Variants in SFMBT2 observed in about 807,000 individuals in gnomAD.
SFMBT2 encodes the protein Scm like with four mbt domains 2, also known as scm-like with four MBT domains protein 2.
SFMBT2 carries 38 observed loss-of-function variants against 110.1 expected under a neutral mutation model. The observed-to-expected ratio is 0.35, with a 90% confidence interval of 0.27 to 0.45. SFMBT2 has a LOEUF of 0.45. Among genes scored for constraint, SFMBT2 ranks in the 20% least tolerant of loss-of-function variants. SFMBT2 has a pLI of 1.00. For missense variants in SFMBT2, 1,011 were observed against 1,094.9 expected, an observed-to-expected ratio of 0.92 and a Z score of 1.08; for synonymous variants, 425 against 425.4, an observed-to-expected ratio of 1.00 and a Z score of 0.01.
chr10:7,294,166 A>G (rs1399306757), intron 4 of SFMBT2, among the ~76,000 whole-genome samples: 1 of 152,104 alleles, frequency 6.6e-6, no homozygotes, highest in Non-Finnish European at 1.5e-5. Flanking sequence ...CTTATCCCCT[A>G]ATATCATGGC....
intron 11 of SFMBT2, among the ~76,000 whole-genome samples, chr10:7,216,322 G>A (rs1047628364): frequency 2.0e-5 from 3 of 152,150 alleles, no homozygotes; most frequent in Non-Finnish European, 2.9e-5. Context: ...TGAATCATGG[G>A]GGGCAGCTCC....
chr10:7,254,484 G>A (rs1840929903), intron 7 of SFMBT2, among the ~76,000 whole-genome samples: 1 of 152,146 alleles, frequency 6.6e-6, no homozygotes, highest in African/African-American at 2.4e-5. Flanking sequence ...TTATAGGAGT[G>A]AAGCTTAATT....
At chr10:7,252,787 T>G (rs1348673040) in intron 7 of SFMBT2, among the ~76,000 whole-genome samples, 1 of 152,196 alleles carries the variant, frequency 6.6e-6, no homozygotes, top group Non-Finnish European at 1.5e-5. Context: ...GTCCCTGGTA[T>G]AGGACTCCTA....
At chr10:7,331,051 T>G (rs1014674220) in intron 4 of SFMBT2, among the ~76,000 whole-genome samples, 1 of 152,250 alleles carries the variant, frequency 6.6e-6, no homozygotes, top group African/African-American at 2.4e-5. Flanking sequence ...GATAGGTATT[T>G]TCTTCTTTCT....
intron 4 of SFMBT2, among the ~76,000 whole-genome samples, chr10:7,337,766 G>A (rs1171137589): frequency 6.6e-6 from 1 of 152,146 alleles, no homozygotes; most frequent in South Asian, 2.1e-4. Context: ...AAGAGCTCCT[G>A]TTCCATCTTC....
intron 4 of SFMBT2, among the ~76,000 whole-genome samples, chr10:7,346,735 C>T (rs750667082): frequency 6.7e-6 from 1 of 148,860 alleles, no homozygotes; most frequent in African/African-American, 2.5e-5. Flanking sequence ...TTTGGGAGGC[C>T]GAGATAGGAG....
chr10:7,315,405 G>A (rs575940527), intron 4 of SFMBT2, among the ~76,000 whole-genome samples: 11 of 152,342 alleles, frequency 7.2e-5, no homozygotes, highest in African/African-American at 2.6e-4. Context: ...TGCCTTTGGG[G>A]GATGATGGCT....
chr10:7,228,654 C>T (rs764005962), intron 9 of SFMBT2, among the ~76,000 whole-genome samples: 8 of 151,500 alleles, frequency 5.3e-5, no homozygotes, highest in African/African-American at 1.2e-4. Flanking sequence ...TAACCAACTA[C>T]AGATCCTACT....
intron 11 of SFMBT2, chr10:7,219,543 C>T (rs1273018913): frequency 6.1e-6 from 1 of 163,664 alleles, no homozygotes; most frequent in Non-Finnish European, 1.3e-5. Context: ...GATCTGAGCA[C>T]CAATTCTATG....
At chr10:7,192,394 G>A (rs989435132) in intron 15 of SFMBT2, among the ~76,000 whole-genome samples, 3 of 152,078 alleles carry the variant, frequency 2.0e-5, no homozygotes, top group African/African-American at 7.2e-5. Flanking sequence ...CGACTGCTTC[G>A]AAGAATGAAA....
intron 15 of SFMBT2, among the ~76,000 whole-genome samples, chr10:7,196,812 G>A (rs1225122182): frequency 6.6e-6 from 1 of 152,174 alleles, no homozygotes; most frequent in African/African-American, 2.4e-5. Context: ...AGAGTTCCGG[G>A]AAGAGTTTGG....
At chr10:7,377,611 T>G (rs1000260128) in intron 2 of SFMBT2, among the ~76,000 whole-genome samples, 3 of 152,106 alleles carry the variant, frequency 2.0e-5, no homozygotes, top group African/African-American at 7.2e-5. Flanking sequence ...TAGATTCTCA[T>G]AAGGACCGTG....
chr10:7,309,989 C>T (rs569303144), intron 4 of SFMBT2, among the ~76,000 whole-genome samples: 154 of 152,258 alleles, frequency 1.0e-3, no homozygotes, highest in Non-Finnish European at 1.6e-3. Context: ...TAGGGGACAG[C>T]GCTGTATTCT....
intron 4 of SFMBT2, among the ~76,000 whole-genome samples, chr10:7,316,946 T>G (rs1231634770): frequency 6.6e-6 from 1 of 152,084 alleles, no homozygotes; most frequent in African/African-American, 2.4e-5. Flanking sequence ...GTCCTTAAAC[T>G]CAGGGACTAT....
chr10:7,270,477 T>C (rs1329895077), intron 7 of SFMBT2, among the ~76,000 whole-genome samples: 1 of 151,392 alleles, frequency 6.6e-6, no homozygotes, highest in Non-Finnish European at 1.5e-5. Context: ...CATTACAAAA[T>C]ATAGTTAAGA....
chr10:7,197,614 G>A lies in SFMBT2; in HGVS notation c.1632C>T (p.Asn544=). The change falls in exon 15 of 21, where the codon AAC becomes AAT. Residue 544 remains asparagine, a synonymous_variant. Coordinates refer to ENST00000397167, the MANE Select transcript of SFMBT2 (RefSeq NM_001387889.1). ...GAGGTAGCTCTGCAATCCTTCCTTTGTTCAGGTAAGGGCCTGAGAAACACC... is the reference window on the plus strand; with the variant it reads ...GAGGTAGCTCTGCAATCCTTCCTTTATTCAGGTAAGGGCCTGAGAAACACC... ...NHRCFSGPYL[N]KGRIAELPQS... 1 of 1,614,190 alleles carries A rather than the reference G, an allele frequency of 6.2e-7. No homozygotes were observed. The highest frequency in any genetic ancestry group is 1.1e-5 in the South Asian group (1 of 91,086).
intron 6 of SFMBT2, among the ~76,000 whole-genome samples, chr10:7,280,388 T>G (rs1184433059): frequency 1.3e-5 from 2 of 150,198 alleles, no homozygotes; most frequent in African/African-American, 2.5e-5. Flanking sequence ...ACTAAAAAAA[T>G]GGGGGGAGGG....
At chr10:7,202,375 A>G in intron 13 of SFMBT2, 105 bp downstream of exon 13, 1 of 1,403,190 alleles carries the variant, frequency 7.1e-7, no homozygotes, top group African/African-American at 1.4e-5. Context: ...CTAGGGTGCT[A>G]TTTGTTAGAT....
intron 4 of SFMBT2, among the ~76,000 whole-genome samples, chr10:7,288,697 C>T (rs1457313452): frequency 6.6e-6 from 1 of 152,168 alleles, no homozygotes; most frequent in East Asian, 1.9e-4. Context: ...CTAACAGGTG[C>T]TTCTTCGTCA....
Sources: allele counts gnomAD v4.1 joint callset (sites outside exome capture counted in the v4.1 genomes callset), GRCh38; gene constraint gnomAD v4.1.1; transcripts MANE v1.5; gene names NCBI Gene and HGNC (gene_info 2026-07-23, HGNC 2026-07-21).